Variants in ZMAT4 observed in about 807,000 individuals in gnomAD.
The protein encoded by ZMAT4 is zinc finger matrin-type 4.
Under a neutral mutation model 28.7 loss-of-function variants are expected in ZMAT4, and 17 were observed. The ratio of observed to expected loss-of-function variants is 0.59; its 90% CI spans 0.41 to 0.89. The LOEUF (loss-of-function observed/expected upper bound fraction) is 0.89. ZMAT4 is among the 40% of genes least tolerant of loss of function. ZMAT4 has a pLI of 0.00. For missense variants in ZMAT4, 240 were observed against 283.8 expected (o/e 0.85, Z 1.11); for synonymous variants, 117 against 109.2 (o/e 1.07, Z -0.44).
intron 5 of ZMAT4, among the ~76,000 whole-genome samples, chr8:40,616,171 T>A (rs1805998851): frequency 6.6e-6 from 1 of 152,068 alleles, no homozygotes; most frequent in Non-Finnish European, 1.5e-5. Context: ...GAAATGCAAA[T>A]CAAAACCACA....
intron 2 of ZMAT4, among the ~76,000 whole-genome samples, chr8:40,797,198 C>T (rs1814635206): frequency 6.6e-6 from 1 of 152,170 alleles, no homozygotes; most frequent in South Asian, 2.1e-4. Context: ...CGGGCCTGTC[C>T]ACCACACCAC....
In ZMAT4 at chr8:40,816,291, G is replaced by T. The variant is rs547542936; in HGVS notation, c.102+9284C>A. Among the ~76,000 whole-genome samples the T allele has an allele frequency of 3.9e-5, 6 of 152,204 alleles. No individual in the cohort carries two copies. The East Asian group carries it at 5.8e-4, about 15-fold the overall frequency. On this transcript the variant is annotated intron_variant, in intron 2 of 6. Coordinates refer to ENST00000297737, the MANE Select transcript of ZMAT4 (RefSeq NM_024645.3). ...GATACCAGTTGGATTTTGATACTCAGGGCAACGTCAGAAGCCTCTGCCAGC... is the reference window on the plus strand; with the variant it reads ...GATACCAGTTGGATTTTGATACTCATGGCAACGTCAGAAGCCTCTGCCAGC...
At chr8:40,595,765 GTATT>G (rs1281885245) in intron 5 of ZMAT4, among the ~76,000 whole-genome samples, 3 of 152,130 alleles carry the variant, frequency 2.0e-5, no homozygotes, top group African/African-American at 7.2e-5. Context: ...TGAGTGGTAA[GTATT>G]TATGTAAAAA....
Position 40,617,350 on chromosome 8 carries a change from G to C in ZMAT4, c.578-36089C>G, listed in dbSNP as rs139330571. On this transcript the variant is annotated intron_variant, in intron 5 of 6. Coordinates refer to ENST00000297737, the MANE Select transcript of ZMAT4 (RefSeq NM_024645.3). ...CAGACCTACCAATCAGTGCCCCAAG[G>C]CTAGGGCCTATGCAGGTATATTTTA... 5.0e-3 allele frequency among the ~76,000 whole-genome samples: 769 copies of C among 152,282 alleles called. 3 individuals carry two copies. Among genetic ancestry groups the C allele is most frequent in the Non-Finnish European group, 8.1e-3 (548 of 68,034 alleles).
intron 3 of ZMAT4, among the ~76,000 whole-genome samples, 167 bp downstream of exon 3, chr8:40,767,474 T>TA (rs1332060782): frequency 2.6e-5 from 4 of 152,058 alleles, no homozygotes; most frequent in Admixed American, 6.6e-5. Flanking sequence ...GGCAGGAAAA[T>TA]AAAAAAACCT....
At chr8:40,665,359 C>T (rs1808367108) in intron 5 of ZMAT4, among the ~76,000 whole-genome samples, 1 of 152,178 alleles carries the variant, frequency 6.6e-6, no homozygotes, top group Admixed American at 6.5e-5. Context: ...TGCCTGCATC[C>T]TCTTGCAATC....
intron 3 of ZMAT4, among the ~76,000 whole-genome samples, chr8:40,716,096 A>G (rs73611477): frequency 0.023 from 3,534 of 152,344 alleles, 141 homozygotes; most frequent in African/African-American, 0.08. Context: ...GATCAGACCT[A>G]AAGAAAAGAT....
chr8:40,571,603 T>A (rs1398150342), intron 6 of ZMAT4, among the ~76,000 whole-genome samples: 1 of 152,146 alleles, frequency 6.6e-6, no homozygotes, highest in East Asian at 1.9e-4. Context: ...ATCCAGATAG[T>A]CCTTAGCTAG....
At chr8:40,717,780 C>A (rs914597800) in intron 3 of ZMAT4, among the ~76,000 whole-genome samples, 1 of 152,082 alleles carries the variant, frequency 6.6e-6, no homozygotes. Context: ...AAGAATCTGT[C>A]AATAGGAACC....
intron 5 of ZMAT4, among the ~76,000 whole-genome samples, chr8:40,640,862 G>C (rs1252142135): frequency 6.6e-6 from 1 of 151,914 alleles, no homozygotes; most frequent in South Asian, 2.1e-4. Flanking sequence ...GGGAGGCTGA[G>C]GAAGGAGAAT....
intron 2 of ZMAT4, among the ~76,000 whole-genome samples, chr8:40,807,696 C>T (rs1325481282): frequency 6.6e-6 from 1 of 152,118 alleles, no homozygotes; most frequent in African/African-American, 2.4e-5. Context: ...TCTCATATTC[C>T]TTCACTGAGA....
intron 2 of ZMAT4, among the ~76,000 whole-genome samples, chr8:40,822,915 A>G (rs1815883591): frequency 6.6e-6 from 1 of 152,314 alleles, no homozygotes; most frequent in African/African-American, 2.4e-5. Context: ...TCCAACAAAC[A>G]CTAACACATT....
intron 2 of ZMAT4, among the ~76,000 whole-genome samples, chr8:40,791,331 G>T (rs910440500): frequency 6.6e-6 from 1 of 152,192 alleles, no homozygotes; most frequent in Non-Finnish European, 1.5e-5. Flanking sequence ...GCTCCTAGGA[G>T]CTCCAAAGTA....
At chr8:40,820,180 GTGT>G (rs1563506022) in intron 2 of ZMAT4, among the ~76,000 whole-genome samples, 3 of 151,670 alleles carry the variant, frequency 2.0e-5, no homozygotes, top group African/African-American at 7.3e-5. Flanking sequence ...GTGTGTGTGT[GTGT>G]GTGGGCGGGT....
chr8:40,778,019 T>C (rs1218116352), intron 2 of ZMAT4, among the ~76,000 whole-genome samples: 1 of 152,232 alleles, frequency 6.6e-6, no homozygotes, highest in African/African-American at 2.4e-5. Context: ...CACAGGGCTG[T>C]TGCTCTTTAA....
chr8:40,729,122 C>T (rs1242248100), intron 3 of ZMAT4, among the ~76,000 whole-genome samples: 2 of 152,154 alleles, frequency 1.3e-5, no homozygotes, highest in Admixed American at 6.5e-5. Context: ...GACCTAAAAG[C>T]GATGCATTTC....
At chr8:40,653,466 G>T (rs1485611785) in intron 5 of ZMAT4, among the ~76,000 whole-genome samples, 3 of 151,956 alleles carry the variant, frequency 2.0e-5, no homozygotes, top group Admixed American at 1.3e-4. Context: ...CAACAAAACT[G>T]AAAGTTGATT....
intron 3 of ZMAT4, among the ~76,000 whole-genome samples, chr8:40,736,599 T>A (rs1452577480): frequency 6.6e-6 from 1 of 152,124 alleles, no homozygotes; most frequent in Non-Finnish European, 1.5e-5. Flanking sequence ...GAAAAACCAG[T>A]CACCAAAATT....
chr8:40,621,478 G>A (rs1309898022), intron 5 of ZMAT4, among the ~76,000 whole-genome samples: 1 of 152,170 alleles, frequency 6.6e-6, no homozygotes, highest in Non-Finnish European at 1.5e-5. Flanking sequence ...AAAGATCCAG[G>A]GGTTCTGAAA....
Sources: gnomAD v4.1 joint callset for allele counts (sites outside exome capture counted in the v4.1 genomes callset) on GRCh38, gnomAD v4.1.1 for gene constraint, MANE v1.5 for transcripts, NCBI Gene and HGNC (gene_info 2026-07-23, HGNC 2026-07-21) for gene names.